The following PDZRN4 variants were observed in gnomAD, a reference collection of about 807,000 sequenced individuals.
PDZRN4 encodes the protein PDZ domain containing ring finger 4.
A neutral mutation model predicts 99.0 loss-of-function variants in PDZRN4; 70 were observed. The observed-to-expected ratio is 0.71, with a 90% CI of 0.58 to 0.86. PDZRN4 has a LOEUF of 0.86. PDZRN4 is among the 40% of genes least tolerant of loss of function. The pLI, the probability that PDZRN4 is intolerant of heterozygous loss-of-function variation, is 0.00. For synonymous variants in PDZRN4, 551 were observed against 501.6 expected (o/e 1.10, Z -1.32); for missense variants, 1,474 against 1,331.2 (o/e 1.11, Z -1.67).
intron 3 of PDZRN4, among the ~76,000 whole-genome samples, chr12:41,222,764 A>T (rs1001787761): frequency 6.6e-6 from 1 of 152,076 alleles, no homozygotes; most frequent in East Asian, 1.9e-4. Context: ...ACCTCAAGTG[A>T]TCCACCCGCC....
chr12:41,310,951 T>C (rs1245970887), intron 3 of PDZRN4, among the ~76,000 whole-genome samples: 1 of 152,186 alleles, frequency 6.6e-6, no homozygotes, highest in South Asian at 2.1e-4. Flanking sequence ...GAAGTTCTAC[T>C]ATCAGCTTTC....
chr12:41,191,418 A>G (rs1319840622), intron 1 of PDZRN4, 40 bp from the exon 2 acceptor site: 2 of 985,810 alleles, frequency 2.0e-6, no homozygotes, highest in Non-Finnish European at 3.2e-6. Context: ...TTTCTTTTAT[A>G]TTTTTACCTG....
intron 3 of PDZRN4, among the ~76,000 whole-genome samples, chr12:41,323,992 G>T (rs530937625): frequency 3.9e-5 from 6 of 151,948 alleles, no homozygotes; most frequent in African/African-American, 1.4e-4. Flanking sequence ...TTGAATTCTA[G>T]GTACTTAGCT....
At chr12:41,240,979 T>A (rs1223197806) in intron 3 of PDZRN4, among the ~76,000 whole-genome samples, 1 of 152,158 alleles carries the variant, frequency 6.6e-6, no homozygotes, top group African/African-American at 2.4e-5. Flanking sequence ...TGATTATGGA[T>A]TATGAAGTTT....
In PDZRN4 at chr12:41,559,839, A is replaced by G. The variant is rs12230351; in HGVS notation, c.1366-3709A>G. On this transcript the variant is annotated intron_variant, in intron 7 of 9. Transcript: ENST00000402685. ...CGGTTACTCCCATGCTGTTCTCGTG[A>G]TAGTGAGTGAGTTCTTTCAAGATCT... Among the ~76,000 whole-genome samples, 1,204 of 152,190 alleles carry G rather than the reference A, an allele frequency of 7.9e-3. 43 individuals carry two copies. In the East Asian group the frequency reaches 0.14, roughly 17 times the overall value.
intron 3 of PDZRN4, among the ~76,000 whole-genome samples, chr12:41,275,711 A>G (rs1168051500): frequency 6.6e-6 from 1 of 152,182 alleles, no homozygotes; most frequent in Non-Finnish European, 1.5e-5. Context: ...GGCTATAGAT[A>G]TATAGTAAGT....
chr12:41,547,355 G>C (rs1336908803), intron 5 of PDZRN4, among the ~76,000 whole-genome samples: 1 of 152,188 alleles, frequency 6.6e-6, no homozygotes, highest in Admixed American at 6.5e-5. Context: ...GCCAGGCACG[G>C]TGGCTTATGC....
In PDZRN4 at chr12:41,516,579, A is replaced by T. The variant is rs570210429; in HGVS notation, c.1203+6666A>T. ...CAGTTTGTAAAGGAAGAAAATTGGG[A>T]TTTTTATTGTTTCTATTTTACCAAG... On this transcript the variant is annotated intron_variant, in intron 5 of 9. Coordinates refer to ENST00000402685, the MANE Select transcript of PDZRN4 (RefSeq NM_001164595.2). Among the ~76,000 whole-genome samples, 22 of 152,148 alleles carry T rather than the reference A, an allele frequency of 1.4e-4. No individual in the cohort carries two copies. In the South Asian group the frequency reaches 2.5e-3, roughly 17 times the overall value.
At chr12:41,344,798 A>G (rs949443172) in intron 3 of PDZRN4, among the ~76,000 whole-genome samples, 1 of 149,120 alleles carries the variant, frequency 6.7e-6, no homozygotes, top group African/African-American at 2.4e-5. Flanking sequence ...AATTTTACAT[A>G]ATTATCGATA....
At chr12:41,469,775 C>CA (rs1382308223) in intron 3 of PDZRN4, among the ~76,000 whole-genome samples, 2 of 151,776 alleles carry the variant, frequency 1.3e-5, no homozygotes, top group Non-Finnish European at 2.9e-5. Flanking sequence ...ACTAAAAATA[C>CA]AAAAATTAGC....
chr12:41,282,257 G>T (rs1477500895), intron 3 of PDZRN4, among the ~76,000 whole-genome samples: 2 of 152,088 alleles, frequency 1.3e-5, no homozygotes, highest in Non-Finnish European at 2.9e-5. Flanking sequence ...AACCAACAAA[G>T]ATTTAAAAAG....
In PDZRN4 at chr12:41,400,391, G is replaced by A. The variant is rs147240217; in HGVS notation, c.844-106065G>A. Among the ~76,000 whole-genome samples the A allele has an allele frequency of 5.9e-5, 9 of 152,246 alleles. 1 individual carries two copies. In the East Asian group the frequency reaches 1.7e-3, roughly 29 times the overall value. On this transcript the variant is annotated intron_variant, in intron 3 of 9. Coordinates refer to ENST00000402685, the MANE Select transcript of PDZRN4 (RefSeq NM_001164595.2). ...AATAGTCCACTAATATTCTTCTGAT[G>A]GGGCTTCAGATTCATCTAAATCTGA...
At chr12:41,516,770 CT>C (rs34600941) in intron 5 of PDZRN4, among the ~76,000 whole-genome samples, 21,697 of 143,640 alleles carry the variant, frequency 0.15, 1,570 homozygotes, top group South Asian at 0.24. Flanking sequence ...TGAATAGCAG[CT>C]TTTTTTTTTT....
At chr12:41,382,545 T>C (rs1159673875) in intron 3 of PDZRN4, among the ~76,000 whole-genome samples, 1 of 152,178 alleles carries the variant, frequency 6.6e-6, no homozygotes. Flanking sequence ...CCTTGCAAAG[T>C]AGGCTTAGCC....
chr12:41,410,142 G>T (rs1952384740), intron 3 of PDZRN4, among the ~76,000 whole-genome samples: 1 of 152,110 alleles, frequency 6.6e-6, no homozygotes, highest in Non-Finnish European at 1.5e-5. Flanking sequence ...ATCTTTTTGA[G>T]AAAATGAAAC....
At chr12:41,200,901 C>A (rs779426686) in intron 3 of PDZRN4, among the ~76,000 whole-genome samples, 1 of 152,074 alleles carries the variant, frequency 6.6e-6, no homozygotes, top group Non-Finnish European at 1.5e-5. Flanking sequence ...AGTATCCGAA[C>A]TTTAACTAGA....
intron 5 of PDZRN4, among the ~76,000 whole-genome samples, chr12:41,552,135 C>T (rs1248993593): frequency 6.6e-6 from 1 of 152,108 alleles, no homozygotes; most frequent in Non-Finnish European, 1.5e-5. Flanking sequence ...CTTGGCCTGA[C>T]CTATACAAAA....
intron 9 of PDZRN4, among the ~76,000 whole-genome samples, chr12:41,569,475 G>A (rs1307121022): frequency 6.6e-6 from 1 of 151,648 alleles, no homozygotes; most frequent in East Asian, 2.0e-4. Context: ...GGCTGGCCTC[G>A]AACTCCTGAC....
chr12:41,458,289 C>T (rs1386796598), intron 3 of PDZRN4, among the ~76,000 whole-genome samples: 2 of 152,168 alleles, frequency 1.3e-5, no homozygotes, highest in Non-Finnish European at 2.9e-5. Flanking sequence ...TCCTGAGTAG[C>T]TGGGATTACA....
Sources: allele counts gnomAD v4.1 joint callset (sites outside exome capture counted in the v4.1 genomes callset), GRCh38; gene constraint gnomAD v4.1.1; transcripts MANE v1.5; gene names NCBI Gene and HGNC (gene_info 2026-07-23, HGNC 2026-07-21).